Variants in ACAT1 observed in about 807,000 individuals in gnomAD.
ACAT1 encodes the protein acetyl-CoA acetyltransferase 1, also known as acetyl-CoA acetyltransferase, mitochondrial.
Under a neutral mutation model 47.3 loss-of-function variants are expected in ACAT1, and 28 were observed. That is an observed-to-expected ratio of 0.59 (90% CI 0.44 to 0.81). The LOEUF is 0.81. Among genes scored for constraint, ACAT1 ranks in the 30% least tolerant of loss-of-function variants. ACAT1 has a pLI of 0.00. For synonymous variants in ACAT1, 181 were observed against 173.6 expected, an observed-to-expected ratio of 1.04 and a Z score of -0.34; for missense variants, 469 against 524.3, an observed-to-expected ratio of 0.89 and a Z score of 1.03.
chr11:108,124,516 CTGA>C (rs1485202743), intron 1 of ACAT1, among the ~76,000 whole-genome samples: 1 of 152,154 alleles, frequency 6.6e-6, no homozygotes, highest in African/African-American at 2.4e-5. Flanking sequence ...TGATCCACCT[CTGA>C]TGATCTGCCC....
intron 2 of ACAT1, among the ~76,000 whole-genome samples, chr11:108,132,853 CAAAAAAAAAAAAA>C (rs57501370): frequency 6.3e-5 from 3 of 47,894 alleles, no homozygotes; most frequent in South Asian, 1.3e-3. Flanking sequence ...AACTCCATCT[CAAAAAAAAAAAAA>C]AAAAAAAAAA....
upstream of ACAT1, among the ~76,000 whole-genome samples, chr11:108,117,805 G>A (rs1363816503): frequency 6.6e-6 from 1 of 152,102 alleles, no homozygotes; most frequent in Non-Finnish European, 1.5e-5. Flanking sequence ...TTTTCCACTA[G>A]TTTCCTGCTG....
chr11:108,134,488 C>T (rs12226047), intron 4 of ACAT1, 172 bp downstream of exon 4: 1 of 479,300 alleles, frequency 2.1e-6, no homozygotes, highest in Non-Finnish European at 3.9e-6. Flanking sequence ...ACTAAAAATA[C>T]AAAAATTAGC....
upstream of ACAT1, among the ~76,000 whole-genome samples, chr11:108,120,640 G>A (rs1158253703): frequency 6.6e-6 from 1 of 152,216 alleles, no homozygotes; most frequent in Non-Finnish European, 1.5e-5. Flanking sequence ...TGGTGGGTAT[G>A]GCTTGTCTCT....
At position 108,142,536 on chromosome 11, in the gene ACAT1, T is replaced by G. The variant is rs2077610871; in HGVS notation, c.926T>G (p.Leu309Arg). The G allele has an allele frequency of 1.2e-6, 2 of 1,614,056 alleles. No homozygotes were observed. The highest frequency in any genetic ancestry group is 4.5e-5 in the East Asian group (2 of 44,880). The part of the protein sequence containing the change: ...DAAKRLNVTP[L>R]ARIVAFADAA... ...GCGAAGAGGCTCAATGTTACACCAC[T>G]GGCAAGAATAGTAGGTAAGGCCAGG... is the stretch of plus-strand genomic sequence containing the variant. The change falls in exon 9 of 12, where the codon CTG (leucine) becomes CGG (arginine). Residue 309 changes from leucine to arginine, a missense_variant. Physicochemically the swap from Leu to Arg is moderately radical, Grantham distance 102. Coordinates refer to ENST00000265838, the MANE Select transcript of ACAT1 (RefSeq NM_000019.4).
chr11:108,130,106 C>G (rs544263309), intron 1 of ACAT1, among the ~76,000 whole-genome samples: 1 of 152,238 alleles, frequency 6.6e-6, no homozygotes, highest in South Asian at 2.1e-4. Flanking sequence ...CATGGCTTTT[C>G]TCTTTGTTCT....
chr11:108,130,433 G>A lies in ACAT1; in HGVS notation c.73-1474G>A, dbSNP rs183572268. On this transcript the variant is annotated intron_variant, in intron 1 of 11. Transcript: ENST00000265838. ...ATCATTTTTTGAGACTCGCTCTGTC[G>A]CCCAGGCTGGAGTACAGTGGCGTGA... Among the ~76,000 whole-genome samples, 1,092 of 151,584 alleles carry A rather than the reference G, an allele frequency of 7.2e-3. 17 individuals are homozygous for A. Among genetic ancestry groups the A allele is most frequent in the African/African-American group, 0.025 (1,028 of 41,294 alleles).
At chr11:108,131,354 A>ATTTTTTTTTTTTTTTTTTATTTTTTTTT (rs2077355086) in intron 1 of ACAT1, among the ~76,000 whole-genome samples, 1 of 62,660 alleles carries the variant, frequency 1.6e-5, no homozygotes, top group Non-Finnish European at 3.0e-5. Flanking sequence ...AAGACTTGGA[A>ATTTTTTTTTTTTTTTTTTATTTTTTTTT]TTTTTTTTTT....
chr11:108,141,020 G>GTT (rs2077572823), intron 7 of ACAT1, among the ~76,000 whole-genome samples: 1 of 151,966 alleles, frequency 6.6e-6, no homozygotes, highest in African/African-American at 2.4e-5. Flanking sequence ...GAGCCCAGGA[G>GTT]TTTGAGACCA....
chr11:108,130,407 T>C (rs949028136), intron 1 of ACAT1, among the ~76,000 whole-genome samples: 3 of 151,980 alleles, frequency 2.0e-5, no homozygotes, highest in Non-Finnish European at 4.4e-5. Context: ...TTAAATTTAT[T>C]ATCATTTTTT....
intron 4 of ACAT1, among the ~76,000 whole-genome samples, chr11:108,134,836 T>G (rs1207200158): frequency 2.0e-5 from 3 of 147,796 alleles, no homozygotes; most frequent in Non-Finnish European, 4.4e-5. Context: ...TCCCAGCTAC[T>G]CCGGAGGCTG....
At chr11:108,122,058 A>G (rs2077161231) in intron 1 of ACAT1, 1 of 320,036 alleles carries the variant, frequency 3.1e-6, no homozygotes. Context: ...TCTTTAAAAC[A>G]TATTTGTGTG....
rs928692872 is a variant in ACAT1 at position 108,123,237 on chromosome 11, T to TA, written c.72+1568dup. Among the ~76,000 whole-genome samples the TA allele has an allele frequency of 1.3e-4, 20 of 150,764 alleles. No individual in the cohort carries two copies. The East Asian group carries it at 1.6e-3, about 12-fold the overall frequency. On this transcript the variant is annotated intron_variant, in intron 1 of 11. Transcript: ENST00000265838. ...TGGGCAACAGAGTGAGACTCCGTCTTAAAAAAAAAGATCTTAAAATGAAAC... is the reference window on the plus strand; with the variant it reads ...TGGGCAACAGAGTGAGACTCCGTCTTAAAAAAAAAAGATCTTAAAATGAAAC...
At position 108,131,950 on chromosome 11, in the gene ACAT1, T is replaced by G. The variant is rs752362759; in HGVS notation, c.116T>G (p.Leu39Trp). ...VERSYVSKPTLKEVVIVSATR... is the reference protein window; with the variant it reads ...VERSYVSKPTWKEVVIVSATR... ...CGGAGTTATGTATCAAAACCCACTTTGAAGGTAAGTAATTTAAATTGTGCT... is the reference window on the plus strand; with the variant it reads ...CGGAGTTATGTATCAAAACCCACTTGGAAGGTAAGTAATTTAAATTGTGCT... The change falls in exon 2 of 12, where the codon TTG (leucine) becomes TGG (tryptophan). Residue 39 changes from leucine (L) to tryptophan (W), a missense_variant. Leu to Trp is a moderately conservative substitution (Grantham distance 61). Transcript: ENST00000265838. The G allele has an allele frequency of 2.0e-6, 3 of 1,505,766 alleles. No homozygotes were observed. Among genetic ancestry groups the G allele is most frequent in the Non-Finnish European group, 2.8e-6 (3 of 1,087,230 alleles). 93.3% of individuals were successfully genotyped at this position (1,505,766 alleles called of 1,614,324 possible). A position where few individuals can be genotyped will look rare whatever the true frequency, so the allele number is the denominator to read the frequency against.
At chr11:108,125,561 G>A (rs542275529) in intron 1 of ACAT1, among the ~76,000 whole-genome samples, 1 of 152,158 alleles carries the variant, frequency 6.6e-6, no homozygotes, top group Non-Finnish European at 1.5e-5. Context: ...ATATAAAAGA[G>A]AGGAAAAAGT....
At chr11:108,145,217 T>A (rs889057030) in intron 10 of ACAT1, among the ~76,000 whole-genome samples, 5 of 152,124 alleles carry the variant, frequency 3.3e-5, no homozygotes, top group African/African-American at 1.2e-4. Flanking sequence ...ACAAAACAGA[T>A]CATATAGTGT....
intron 2 of ACAT1, among the ~76,000 whole-genome samples, chr11:108,133,195 T>TA: frequency 6.6e-6 from 1 of 151,710 alleles, no homozygotes. Flanking sequence ...AAATTACATA[T>TA]AAAAAAAGAA....
At chr11:108,140,965 C>G (rs2134764958) in intron 7 of ACAT1, among the ~76,000 whole-genome samples, 1 of 152,224 alleles carries the variant, frequency 6.6e-6, no homozygotes, top group Non-Finnish European at 1.5e-5. Context: ...GTGGCTCACA[C>G]CTGTAATCCC....
chr11:108,134,286 G>A lies in ACAT1; in HGVS notation c.304G>A (p.Ala102Thr). 1 of 1,613,396 alleles carries A rather than the reference G, an allele frequency of 6.2e-7. No individual in the cohort carries two copies. The highest frequency in any genetic ancestry group is 8.5e-7 in the Non-Finnish European group (1 of 1,179,700). The change falls in exon 4 of 12, where the codon GCT becomes ACT. Residue 102 changes from alanine to threonine, a missense_variant. Physicochemically the swap from Ala to Thr is moderately conservative, Grantham distance 58. Coordinates refer to ENST00000265838, the MANE Select transcript of ACAT1 (RefSeq NM_000019.4). Reference sequence around the variant, plus strand: ...TGTTCTACAAGGAGGTGAAGGACAAGCTCCTACAAGGCAGGCAGTATTGGG... The same window carrying A: ...TGTTCTACAAGGAGGTGAAGGACAAACTCCTACAAGGCAGGCAGTATTGGG... ...GNVLQGGEGQ[A>T]PTRQAVLGAG...
Sources: gnomAD v4.1 joint callset for allele counts (sites outside exome capture counted in the v4.1 genomes callset) on GRCh38, gnomAD v4.1.1 for gene constraint, MANE v1.5 for transcripts, NCBI Gene and HGNC (gene_info 2026-07-23, HGNC 2026-07-21) for gene names.